The following FAM135B variants were observed in gnomAD, a reference collection of about 807,000 sequenced individuals.
FAM135B encodes protein FAM135B.
A neutral mutation model predicts 127.7 loss-of-function variants in FAM135B; 43 were observed. The observed-to-expected ratio is 0.34, with a 90% CI of 0.26 to 0.43. The LOEUF is 0.43. Ranked by LOEUF, FAM135B falls within the 20% of genes least tolerant of loss-of-function variation. The probability of loss-of-function intolerance (pLI) is 1.00; values close to 1 mark genes in which losing one functional copy is unlikely to be tolerated. For missense variants in FAM135B, 1,558 were observed against 1,725.6 expected (o/e 0.90, Z 1.72); for synonymous variants, 670 against 665.1 (o/e 1.01, Z -0.11).
intron 1 of FAM135B, among the ~76,000 whole-genome samples, chr8:138,398,146 C>T (rs1563968097): frequency 6.6e-6 from 1 of 152,156 alleles, no homozygotes; most frequent in Non-Finnish European, 1.5e-5. Flanking sequence ...AGCTGCTTCA[C>T]GCCTTCTGTA....
intron 1 of FAM135B, among the ~76,000 whole-genome samples, chr8:138,491,105 C>T (rs867143868): frequency 6.9e-6 from 1 of 144,036 alleles, no homozygotes; most frequent in African/African-American, 2.6e-5. Flanking sequence ...CGTGCCATTG[C>T]ACTCCCAGCC....
At chr8:138,494,996 C>T (rs1815339033) in intron 1 of FAM135B, among the ~76,000 whole-genome samples, 1 of 152,102 alleles carries the variant, frequency 6.6e-6, no homozygotes. Context: ...TTTATGTTGC[C>T]CTGAGTGAAT....
At chr8:138,201,316 C>T (rs1471647160) in intron 7 of FAM135B, among the ~76,000 whole-genome samples, 1 of 151,994 alleles carries the variant, frequency 6.6e-6, no homozygotes, top group African/African-American at 2.4e-5. Flanking sequence ...AACTAGATGC[C>T]AATGTCATAG....
chr8:138,151,001 G>A (rs1448521791), intron 13 of FAM135B, among the ~76,000 whole-genome samples, 193 bp downstream of exon 13: 7 of 151,808 alleles, frequency 4.6e-5, no homozygotes. Flanking sequence ...CTTCCTTTCA[G>A]TATTCTGCAT....
rs199676838 is a variant in FAM135B at position 138,242,994 on chromosome 8, G to T, written c.617C>A (p.Ser206Tyr). Residue 206 changes from serine (S) to tyrosine (Y), a missense_variant, in exon 7 of 20, where the codon TCT (serine) becomes TAT (tyrosine). By Grantham distance (144) the Ser-to-Tyr change is moderately radical. Coordinates refer to ENST00000395297, the MANE Select transcript of FAM135B (RefSeq NM_015912.4). The surrounding 1 kb of genome is among the most constrained non-coding windows in gnomAD (Gnocchi z 9.6). Reference sequence around the variant, plus strand: ...AGCTCCAAAGACCAAGTTTTCCAGAGAAATGATAGACTGTTCTTGTCCGGT... The same window carrying T: ...AGCTCCAAAGACCAAGTTTTCCAGATAAATGATAGACTGTTCTTGTCCGGT... The part of the protein sequence containing the change: ...PDTGQEQSII[S>Y]LENLVFGAGY... The T allele has an allele frequency of 6.2e-7, 1 of 1,613,936 alleles. No individual in the cohort carries two copies. Among genetic ancestry groups the T allele is most frequent in the Non-Finnish European group, 8.5e-7 (1 of 1,179,914 alleles).
rs1485298329 is a variant in FAM135B, at chr8:138,152,493, G to C, written c.1982C>G (p.Ser661Cys). The change falls in exon 13 of 20, where the codon TCT becomes TGT. Residue 661 changes from serine (S) to cysteine (C), a missense_variant. Coordinates refer to ENST00000395297, the MANE Select transcript of FAM135B (RefSeq NM_015912.4). ...GAGTTCCTCCTGCTCTTCTGTGTGAGAGTCCTTTAGGGAAGACCTAATATC... is the reference window on the plus strand; with the variant it reads ...GAGTTCCTCCTGCTCTTCTGTGTGACAGTCCTTTAGGGAAGACCTAATATC... ...PLDIRSSLKD[S>C]HTEEQEELSV... The C allele has an allele frequency of 1.2e-6, 2 of 1,614,054 alleles. No homozygotes were observed. The highest frequency in any genetic ancestry group is 1.7e-6 in the Non-Finnish European group (2 of 1,180,046).
chr8:138,245,523 T>G (rs1015052513), intron 6 of FAM135B, among the ~76,000 whole-genome samples: 2 of 152,186 alleles, frequency 1.3e-5, no homozygotes, highest in African/African-American at 2.4e-5. Flanking sequence ...TGCCGCCATG[T>G]GCAGAAGGAC....
At chr8:138,254,151 G>A (rs1363270735) in intron 5 of FAM135B, among the ~76,000 whole-genome samples, 1 of 152,180 alleles carries the variant, frequency 6.6e-6, no homozygotes, top group East Asian at 1.9e-4. Flanking sequence ...GACCTATGAG[G>A]TATGTATTCT....
intron 12 of FAM135B, among the ~76,000 whole-genome samples, chr8:138,160,541 A>C (rs1027536629): frequency 6.2e-5 from 9 of 145,472 alleles, no homozygotes; most frequent in East Asian, 4.1e-4. Context: ...GGCACATGCC[A>C]CCATGCCCAG....
At chr8:138,315,203 C>T (rs769661377) in intron 2 of FAM135B, among the ~76,000 whole-genome samples, 5 of 152,020 alleles carry the variant, frequency 3.3e-5, no homozygotes, top group African/African-American at 4.8e-5. Context: ...ATTACCAACA[C>T]GTTTGTGAAA....
intron 1 of FAM135B, among the ~76,000 whole-genome samples, chr8:138,420,218 AC>A (rs1834412359): frequency 6.6e-6 from 1 of 151,270 alleles, no homozygotes; most frequent in South Asian, 2.1e-4. Flanking sequence ...GACTATTACA[AC>A]ACCTCTATGC....
chr8:138,476,276 C>T (rs1814431357), intron 1 of FAM135B, among the ~76,000 whole-genome samples: 1 of 152,132 alleles, frequency 6.6e-6, no homozygotes, highest in Admixed American at 6.5e-5. Context: ...CATGATACTA[C>T]AATTGTGGAA....
chr8:138,271,416 T>C (rs1823365927), intron 3 of FAM135B, among the ~76,000 whole-genome samples: 1 of 152,238 alleles, frequency 6.6e-6, no homozygotes, highest in African/African-American at 2.4e-5. Context: ...TATGTTTGTA[T>C]GTTTTTGCTA....
rs199676838 is a variant in FAM135B, at chr8:138,242,994, G to A, written c.617C>T (p.Ser206Phe). The A allele has an allele frequency of 1.1e-5, 17 of 1,613,936 alleles. No homozygotes were observed. Among genetic ancestry groups the A allele is most frequent in the Non-Finnish European group, 1.1e-5 (13 of 1,179,914 alleles). Residue 206 changes from serine to phenylalanine, a missense_variant, in exon 7 of 20, where the codon TCT (serine) becomes TTT (phenylalanine). By Grantham distance (155) the Ser-to-Phe change is radical. Coordinates refer to ENST00000395297, the MANE Select transcript of FAM135B (RefSeq NM_015912.4). This position sits in a 1 kb window ranked among gnomAD's most constrained non-coding sequence, Gnocchi z 9.6. ...AGCTCCAAAGACCAAGTTTTCCAGA[G>A]AAATGATAGACTGTTCTTGTCCGGT... ...PDTGQEQSII[S>F]LENLVFGAGY...
chr8:138,153,389 G>A (rs997149538), intron 12 of FAM135B, among the ~76,000 whole-genome samples, 173 bp from the exon 13 acceptor site: 1 of 152,196 alleles, frequency 6.6e-6, no homozygotes, highest in African/African-American at 2.4e-5. Context: ...CAGAAGACGG[G>A]TGATTTCTGC....
rs113556264 is a variant in FAM135B at position 138,284,330 on chromosome 8, G to A, written c.158-18488C>T. On this transcript the variant is annotated intron_variant, in intron 3 of 19. Coordinates refer to ENST00000395297, the MANE Select transcript of FAM135B (RefSeq NM_015912.4). ...CCTCACTCCTGGACCACTCTGCCCAGTGGCCTTCCTTCTGCTCAGCCCGAC... is the reference window on the plus strand; with the variant it reads ...CCTCACTCCTGGACCACTCTGCCCAATGGCCTTCCTTCTGCTCAGCCCGAC... Among the ~76,000 whole-genome samples, 651 of 152,150 alleles carry A rather than the reference G, an allele frequency of 4.3e-3. 8 individuals carry two copies. The highest frequency in any genetic ancestry group is 0.015 in the African/African-American group (606 of 41,504).
chr8:138,375,409 G>A (rs1217241714), intron 1 of FAM135B, among the ~76,000 whole-genome samples: 1 of 152,108 alleles, frequency 6.6e-6, no homozygotes, highest in East Asian at 1.9e-4. Flanking sequence ...GTATATGTGT[G>A]TATGTAGGTC....
At position 138,152,936 on chromosome 8, in the gene FAM135B, C is replaced by A; in HGVS notation, c.1539G>T (p.Val513=). 6.2e-7 allele frequency: 1 copy of A among 1,614,200 alleles called. No homozygotes were observed. The highest frequency in any genetic ancestry group is 8.5e-7 in the Non-Finnish European group (1 of 1,180,040). ...GGCCAGTCCAACATTCATCTTCAGGCACACCTGCTTTGTTTTGAAATTCAC... is the reference window on the plus strand; with the variant it reads ...GGCCAGTCCAACATTCATCTTCAGGAACACCTGCTTTGTTTTGAAATTCAC... ...SIGEFQNKAG[V]PEDECWTGQT... The change falls in exon 13 of 20, where the codon GTG becomes GTT. Residue 513 remains valine, a synonymous_variant. Transcript: ENST00000395297.
At chr8:138,353,771 G>T (rs1343093663) in intron 2 of FAM135B, among the ~76,000 whole-genome samples, 1 of 134,170 alleles carries the variant, frequency 7.5e-6, no homozygotes, top group Non-Finnish European at 1.7e-5. Flanking sequence ...GGCACAGTCT[G>T]AGCTCACACA....
Sources: gnomAD v4.1 joint callset for allele counts (sites outside exome capture counted in the v4.1 genomes callset) on GRCh38, gnomAD v4.1.1 for gene constraint, Gnocchi (gnomAD v3.1) non-coding constraint, MANE v1.5 for transcripts, NCBI Gene and HGNC (gene_info 2026-07-23, HGNC 2026-07-21) for gene names.